Variants in NFIA observed in about 807,000 individuals in gnomAD.
The protein encoded by NFIA is nuclear factor I A, also known as nuclear factor 1 A-type.
A neutral mutation model predicts 62.8 loss-of-function variants in NFIA; 8 were observed. The observed-to-expected ratio is 0.13, with a 90% CI of 0.07 to 0.23. The LOEUF (loss-of-function observed/expected upper bound fraction) is 0.23, where lower values mean the gene tolerates loss of function less well. Ranked by LOEUF, NFIA falls within the 10% of genes least tolerant of loss-of-function variation. The pLI is 1.00. For missense variants in NFIA, 410 were observed against 642.1 expected, an observed-to-expected ratio of 0.64 and a Z score of 3.91; for synonymous variants, 235 against 238.1, an observed-to-expected ratio of 0.99 and a Z score of 0.12.
At chr1:61,228,288 AG>A (rs1654456323) in intron 2 of NFIA, among the ~76,000 whole-genome samples, 1 of 152,178 alleles carries the variant, frequency 6.6e-6, no homozygotes, top group South Asian at 2.1e-4. Flanking sequence ...TTTTGGCCAA[AG>A]TCCTGTGACA....
chr1:61,222,948 C>T (rs1239966403), intron 2 of NFIA, among the ~76,000 whole-genome samples: 1 of 151,962 alleles, frequency 6.6e-6, no homozygotes, highest in Admixed American at 6.6e-5. Context: ...GAAATGATTA[C>T]TTATTAAAAT....
At chr1:61,120,122 T>C (rs1570197653) in intron 2 of NFIA, among the ~76,000 whole-genome samples, 1 of 152,226 alleles carries the variant, frequency 6.6e-6, no homozygotes, top group East Asian at 1.9e-4. Context: ...TTCATTGGTT[T>C]AAATCTTGTG....
At chr1:61,120,440 A>G (rs144740158) in intron 2 of NFIA, among the ~76,000 whole-genome samples, 87 of 152,248 alleles carry the variant, frequency 5.7e-4, no homozygotes, top group African/African-American at 2.0e-3. Flanking sequence ...ATCAAAATCA[A>G]CGTTTGTTAC....
rs114978055 is a variant in NFIA at position 61,135,733 on chromosome 1, T to C, written c.559+47053T>C. 1.5e-3 allele frequency among the ~76,000 whole-genome samples: 236 copies of C among 152,326 alleles called. 1 individual carries two copies. Among genetic ancestry groups the C allele is most frequent in the African/African-American group, 5.4e-3 (223 of 41,576 alleles). On this transcript the variant is annotated intron_variant, in intron 2 of 10. Coordinates refer to ENST00000403491, the MANE Select transcript of NFIA (RefSeq NM_001134673.4). ...TATAGGCCTCACCTTAGGAGAACTT[T>C]CCAAAATATTGTTAGTGTTGACCAC...
chr1:61,285,522 T>G (rs1658430603), intron 3 of NFIA, among the ~76,000 whole-genome samples: 1 of 152,204 alleles, frequency 6.6e-6, no homozygotes, highest in African/African-American at 2.4e-5. Context: ...AAAATTCATG[T>G]GGCCACAAGG....
At chr1:61,085,897 A>G (rs1421053763) in intron 1 of NFIA, among the ~76,000 whole-genome samples, 2 of 152,152 alleles carry the variant, frequency 1.3e-5, no homozygotes, top group African/African-American at 4.8e-5. Context: ...GTTGGCAGGT[A>G]AACAGAATCC....
At chr1:61,239,584 G>A (rs1655214158) in intron 2 of NFIA, among the ~76,000 whole-genome samples, 1 of 152,026 alleles carries the variant, frequency 6.6e-6, no homozygotes, top group South Asian at 2.1e-4. Flanking sequence ...TGAATATAAG[G>A]TGATAAAATT....
chr1:61,088,000 A>C, intron 1 of NFIA, 149 bp from the exon 2 acceptor site: 1 of 710,934 alleles, frequency 1.4e-6, no homozygotes, highest in Non-Finnish European at 2.3e-6. Flanking sequence ...GACTTCCCAT[A>C]GGATCCTGTG....
intron 4 of NFIA, among the ~76,000 whole-genome samples, chr1:61,336,815 A>G (rs749547866): frequency 6.6e-6 from 1 of 152,090 alleles, no homozygotes; most frequent in Non-Finnish European, 1.5e-5. Flanking sequence ...TCCCAGCCCC[A>G]TCCAGTCCCC....
At chr1:61,149,051 T>A (rs1648214541) in intron 2 of NFIA, among the ~76,000 whole-genome samples, 1 of 83,648 alleles carries the variant, frequency 1.2e-5, no homozygotes, top group Non-Finnish European at 2.2e-5. Context: ...TTCTTTTTCT[T>A]TCTTTCTTTT....
chr1:61,370,824 A>G (rs1019339755), intron 6 of NFIA, among the ~76,000 whole-genome samples: 3 of 152,196 alleles, frequency 2.0e-5, no homozygotes, highest in Non-Finnish European at 4.4e-5. Flanking sequence ...TTGAAGAAAC[A>G]TTCCAGTCTG....
intron 2 of NFIA, among the ~76,000 whole-genome samples, chr1:61,246,246 A>G (rs990761773): frequency 6.6e-6 from 1 of 152,188 alleles, no homozygotes; most frequent in African/African-American, 2.4e-5. Context: ...AAGTATTACC[A>G]TTTCCAGGAT....
intron 2 of NFIA, among the ~76,000 whole-genome samples, chr1:61,115,734 A>T (rs1381486209): frequency 1.3e-5 from 2 of 152,142 alleles, no homozygotes; most frequent in Non-Finnish European, 2.9e-5. Flanking sequence ...AAACTTCCCA[A>T]CTTCATGGGC....
intron 6 of NFIA, among the ~76,000 whole-genome samples, chr1:61,361,613 A>G (rs1026782096): frequency 3.3e-5 from 5 of 152,090 alleles, no homozygotes; most frequent in Non-Finnish European, 5.9e-5. Context: ...GTGGAGGTTG[A>G]TTGATAATTA....
Position 61,419,738 on chromosome 1 carries a change from G to A in NFIA, c.1421-6727G>A, listed in dbSNP as rs934511662. Among the ~76,000 whole-genome samples, 3 of 152,204 alleles carry A rather than the reference G, an allele frequency of 2.0e-5. 1 individual carries two copies. Among genetic ancestry groups the A allele is most frequent in the Middle Eastern group, 6.8e-3 (2 of 294 alleles). On this transcript the variant is annotated intron_variant, in intron 9 of 10. Transcript: ENST00000403491. ...TTTTCATGGTTTTTGTGACTTCTTG[G>A]CACCTTAGACATGCCATGCAAATAG...
intron 2 of NFIA, among the ~76,000 whole-genome samples, chr1:61,161,303 A>G (rs1350858182): frequency 3.3e-5 from 5 of 152,316 alleles, no homozygotes; most frequent in Admixed American, 3.3e-4. Flanking sequence ...AATACATCTG[A>G]AAACTTACCA....
At chr1:61,211,845 C>T (rs1189355687) in intron 2 of NFIA, among the ~76,000 whole-genome samples, 1 of 152,122 alleles carries the variant, frequency 6.6e-6, no homozygotes, top group African/African-American at 2.4e-5. Flanking sequence ...TACAGGCATG[C>T]ACCACCACAC....
chr1:61,135,533 T>C (rs1647167695), intron 2 of NFIA, among the ~76,000 whole-genome samples: 2 of 152,202 alleles, frequency 1.3e-5, no homozygotes, highest in African/African-American at 2.4e-5. Flanking sequence ...GCCTCTCAAG[T>C]AGCTGGGACT....
intron 2 of NFIA, among the ~76,000 whole-genome samples, chr1:61,181,517 C>T (rs539160291): frequency 6.6e-6 from 1 of 152,350 alleles, no homozygotes; most frequent in South Asian, 2.1e-4. Context: ...TTACTTTCAT[C>T]TCCACTTTAG....
Sources: allele counts gnomAD v4.1 joint callset (sites outside exome capture counted in the v4.1 genomes callset), GRCh38; gene constraint gnomAD v4.1.1; transcripts MANE v1.5; gene names NCBI Gene and HGNC (gene_info 2026-07-23, HGNC 2026-07-21).